Variants in NOVA1 observed in about 807,000 individuals in gnomAD.
NOVA1 encodes NOVA alternative splicing regulator 1.
Under a neutral mutation model 38.0 loss-of-function variants are expected in NOVA1, and 7 were observed. That is an observed-to-expected ratio of 0.18 (90% CI 0.10 to 0.35). The LOEUF is 0.35. Ranked by LOEUF, NOVA1 falls within the 10% of genes least tolerant of loss-of-function variation. NOVA1 has a pLI of 1.00. For missense variants in NOVA1, 460 were observed against 616.0 expected (o/e 0.75, Z 2.68); for synonymous variants, 270 against 232.5 (o/e 1.16, Z -1.47).
intron 4 of NOVA1, among the ~76,000 whole-genome samples, chr14:26,464,478 T>C (rs1231843578): frequency 3.9e-5 from 6 of 152,220 alleles, no homozygotes; most frequent in Non-Finnish European, 5.9e-5. Context: ...TTAGGATACT[T>C]TTCTCAGAAC....
chr14:26,558,988 G>A (rs1891657716), intron 2 of NOVA1, among the ~76,000 whole-genome samples: 2 of 151,884 alleles, frequency 1.3e-5, no homozygotes, highest in African/African-American at 4.8e-5. Context: ...ACCTCGCTTG[G>A]ATGCAAAAGA....
At chr14:26,587,183 T>A (rs1594586736) in intron 2 of NOVA1, among the ~76,000 whole-genome samples, 2 of 150,822 alleles carry the variant, frequency 1.3e-5, no homozygotes, top group South Asian at 4.2e-4. Flanking sequence ...TTAGAAGAGA[T>A]CATCTGAACT....
At chr14:26,557,829 T>G (rs1023661317) in intron 2 of NOVA1, among the ~76,000 whole-genome samples, 3 of 152,114 alleles carry the variant, frequency 2.0e-5, no homozygotes, top group African/African-American at 7.2e-5. Context: ...TACAGCAGCT[T>G]TATTAATGAC....
intron 2 of NOVA1, among the ~76,000 whole-genome samples, chr14:26,517,073 T>C (rs377575973): frequency 6.6e-6 from 1 of 151,984 alleles, no homozygotes; most frequent in African/African-American, 2.4e-5. Context: ...GCCCGACTAA[T>C]TTTTTGTATT....
intron 4 of NOVA1, among the ~76,000 whole-genome samples, chr14:26,469,733 C>CA (rs1264850683): frequency 1.3e-5 from 2 of 152,076 alleles, no homozygotes; most frequent in Non-Finnish European, 2.9e-5. Context: ...GGATTATAGG[C>CA]AAGTGCCACC....
chr14:26,575,397 C>T (rs1012483491), intron 2 of NOVA1, among the ~76,000 whole-genome samples: 5 of 152,106 alleles, frequency 3.3e-5, no homozygotes, highest in African/African-American at 1.2e-4. Flanking sequence ...AGCAAACCCA[C>T]ATCATCTTCC....
At chr14:26,538,342 A>T (rs1890245809) in intron 2 of NOVA1, among the ~76,000 whole-genome samples, 1 of 152,138 alleles carries the variant, frequency 6.6e-6, no homozygotes. Context: ...TCATTGTTAC[A>T]TTCAATGGCA....
At chr14:26,465,357 T>C (rs1287061061) in intron 4 of NOVA1, among the ~76,000 whole-genome samples, 1 of 152,022 alleles carries the variant, frequency 6.6e-6, no homozygotes, top group East Asian at 1.9e-4. Context: ...GTATTTTTAG[T>C]AGAAGGTTTC....
At chr14:26,531,951 C>A (rs1889746908) in intron 2 of NOVA1, among the ~76,000 whole-genome samples, 1 of 152,092 alleles carries the variant, frequency 6.6e-6, no homozygotes, top group Non-Finnish European at 1.5e-5. Context: ...GGTCACAAAG[C>A]ACATGAAAAC....
rs539793993 is a variant in NOVA1, at chr14:26,471,558, C to A, written c.519+762G>T. 7.9e-5 allele frequency among the ~76,000 whole-genome samples: 12 copies of A among 151,864 alleles called. No homozygotes were observed. In the East Asian group the frequency reaches 2.3e-3, roughly 29 times the overall value. On this transcript the variant is annotated intron_variant, in intron 4 of 4. Coordinates refer to ENST00000539517, the MANE Select transcript of NOVA1 (RefSeq NM_002515.3). ...TAATTTTAATAAATATATTATTCAA[C>A]ATTGTCAAATTAAAGTACAGTATGG...
chr14:26,551,425 C>T (rs372985573), intron 2 of NOVA1, among the ~76,000 whole-genome samples: 3 of 152,122 alleles, frequency 2.0e-5, no homozygotes, highest in South Asian at 2.1e-4. Flanking sequence ...TTTACTGCTA[C>T]GTAATTTCAT....
chr14:26,595,373 G>T, intron 2 of NOVA1, 37 bp downstream of exon 2: 1 of 1,594,478 alleles, frequency 6.3e-7, no homozygotes, highest in Non-Finnish European at 8.6e-7. Context: ...TTTCCTGTGG[G>T]GAGCTCATCA....
chr14:26,505,147 T>C (rs1887549656), intron 2 of NOVA1, among the ~76,000 whole-genome samples: 2 of 152,198 alleles, frequency 1.3e-5, no homozygotes, highest in African/African-American at 2.4e-5. Flanking sequence ...TTATTACATA[T>C]GTAAAGGAAG....
chr14:26,516,396 T>C (rs1308807276), intron 2 of NOVA1, among the ~76,000 whole-genome samples: 1 of 152,154 alleles, frequency 6.6e-6, no homozygotes, highest in Admixed American at 6.6e-5. Flanking sequence ...TTCCCCTTTA[T>C]GGTTAGAGCT....
chr14:26,557,454 C>T (rs1015915612), intron 2 of NOVA1, among the ~76,000 whole-genome samples: 2 of 152,094 alleles, frequency 1.3e-5, no homozygotes, highest in East Asian at 3.9e-4. Flanking sequence ...GACATCCTCC[C>T]GGTCACAAGC....
intron 2 of NOVA1, among the ~76,000 whole-genome samples, chr14:26,543,654 G>A (rs1012949876): frequency 6.6e-6 from 1 of 151,948 alleles, no homozygotes; most frequent in African/African-American, 2.4e-5. Context: ...ATAAGACAAG[G>A]CATGGAATTA....
At chr14:26,523,706 A>C (rs1007574758) in intron 2 of NOVA1, among the ~76,000 whole-genome samples, 26 of 149,396 alleles carry the variant, frequency 1.7e-4, no homozygotes, top group African/African-American at 5.4e-4. Flanking sequence ...TCCTTGATAT[A>C]TCATTCTTTT....
chr14:26,577,113 T>C (rs1204909935), intron 2 of NOVA1, among the ~76,000 whole-genome samples: 1 of 152,084 alleles, frequency 6.6e-6, no homozygotes, highest in Non-Finnish European at 1.5e-5. Context: ...TACCTATCTA[T>C]CTGTGTCTGG....
intron 4 of NOVA1, among the ~76,000 whole-genome samples, chr14:26,470,727 G>A (rs538406008): frequency 1.5e-3 from 230 of 152,106 alleles, no homozygotes; most frequent in South Asian, 2.5e-3. Flanking sequence ...AAGAATAAAT[G>A]AAAGAAAATA....
Sources: allele counts gnomAD v4.1 joint callset (sites outside exome capture counted in the v4.1 genomes callset), GRCh38; gene constraint gnomAD v4.1.1; transcripts MANE v1.5; gene names NCBI Gene and HGNC (gene_info 2026-07-23, HGNC 2026-07-21).